Variants in EEFSEC observed in about 807,000 individuals in gnomAD.
EEFSEC encodes the protein selenocysteine-specific elongation factor.
A neutral mutation model predicts 42.1 loss-of-function variants in EEFSEC; 43 were observed. That is an observed-to-expected ratio of 1.02 (90% CI 0.80 to 1.32). The LOEUF (loss-of-function observed/expected upper bound fraction) is 1.32, where lower values mean the gene tolerates loss of function less well. Ranked by LOEUF, EEFSEC falls within the 40% of genes most tolerant of loss-of-function variation. EEFSEC has a pLI of 0.00. For missense variants in EEFSEC, 745 were observed against 803.6 expected, an observed-to-expected ratio of 0.93 and a Z score of 0.88; for synonymous variants, 354 against 339.1, an observed-to-expected ratio of 1.04 and a Z score of -0.48.
chr3:128,302,649 T>C (rs2108006304), intron 4 of EEFSEC, among the ~76,000 whole-genome samples: 1 of 152,174 alleles, frequency 6.6e-6, no homozygotes, highest in East Asian at 1.9e-4. Context: ...ATATATATGG[T>C]TGGGAAATTC....
intron 4 of EEFSEC, among the ~76,000 whole-genome samples, chr3:128,333,612 A>G (rs374935963): frequency 1.3e-4 from 20 of 152,206 alleles, no homozygotes; most frequent in South Asian, 6.2e-4. Context: ...GATTTTCCCC[A>G]TCATAGGTAT....
intron 1 of EEFSEC, among the ~76,000 whole-genome samples, chr3:128,178,488 C>A (rs1157253038): frequency 6.6e-6 from 1 of 152,156 alleles, no homozygotes; most frequent in African/African-American, 2.4e-5. Context: ...TGTGTTTAGA[C>A]TCAAAGTTAG....
At chr3:128,377,126 A>G (rs1051680244) in intron 6 of EEFSEC, among the ~76,000 whole-genome samples, 11 of 152,366 alleles carry the variant, frequency 7.2e-5, no homozygotes, top group Admixed American at 3.9e-4. Context: ...GAAGTCTCCC[A>G]TAGTCCCATT....
intron 5 of EEFSEC, among the ~76,000 whole-genome samples, chr3:128,342,111 G>T (rs2067262348): frequency 6.6e-6 from 1 of 152,202 alleles, no homozygotes; most frequent in Non-Finnish European, 1.5e-5. Flanking sequence ...TGGGCAGGGG[G>T]ACCCCCACTG....
At chr3:128,337,897 A>T (rs2067208047) in intron 4 of EEFSEC, among the ~76,000 whole-genome samples, 1 of 152,236 alleles carries the variant, frequency 6.6e-6, no homozygotes. Flanking sequence ...GCAATCCAGC[A>T]GTTCAACTCC....
Position 128,247,043 on chromosome 3 carries a change from A to G in EEFSEC, c.524A>G (p.Lys175Arg), listed in dbSNP as rs2066136007. The G allele has an allele frequency of 6.2e-7, 1 of 1,613,870 alleles. No individual in the cohort carries two copies. Among genetic ancestry groups the G allele is most frequent in the East Asian group, 2.2e-5 (1 of 44,866 alleles). The change falls in exon 2 of 7, where the codon AAG (lysine) becomes AGG (arginine). Residue 175 changes from lysine (K) to arginine (R), a missense_variant and splice_region_variant. Coordinates refer to ENST00000254730, the MANE Select transcript of EEFSEC (RefSeq NM_021937.5). The stretch of plus-strand genomic sequence containing the variant: ...ATGCAGAAGACCCTAGAGAACACCA[A>G]GTAGGTCTGCTAATGAGAGCAATGT... ...KKMQKTLENT[K>R]FRGAPIIPVA...
intron 1 of EEFSEC, among the ~76,000 whole-genome samples, chr3:128,208,670 GC>G (rs1167540561): frequency 6.6e-6 from 1 of 152,210 alleles, no homozygotes; most frequent in Non-Finnish European, 1.5e-5. Context: ...CTGAGGTGGG[GC>G]CTAGCTGAAG....
At chr3:128,409,798 C>T (rs2068161177), downstream of EEFSEC, among the ~76,000 whole-genome samples, 1 of 152,208 alleles carries the variant, frequency 6.6e-6, no homozygotes, top group South Asian at 2.1e-4. Flanking sequence ...CTCCCTGGGG[C>T]CTGACCCCAC....
chr3:128,226,679 G>T (rs1022580200), intron 1 of EEFSEC, among the ~76,000 whole-genome samples: 2 of 152,184 alleles, frequency 1.3e-5, no homozygotes, highest in African/African-American at 4.8e-5. Context: ...CTGTGTTGAT[G>T]TTGTCTGTAT....
intron 1 of EEFSEC, among the ~76,000 whole-genome samples, chr3:128,208,058 C>T (rs1474203015): frequency 6.6e-6 from 1 of 152,166 alleles, no homozygotes; most frequent in Non-Finnish European, 1.5e-5. Context: ...GGGAAATTTT[C>T]TGTCCCGGGA....
intron 5 of EEFSEC, 97 bp from the exon 6 acceptor site, chr3:128,358,120 C>T: frequency 6.6e-7 from 1 of 1,511,640 alleles, no homozygotes; most frequent in Non-Finnish European, 9.0e-7. Flanking sequence ...GCCAGCCATG[C>T]CTAGGGCCCG....
intron 6 of EEFSEC, among the ~76,000 whole-genome samples, chr3:128,395,014 A>C (rs1487073759): frequency 6.6e-6 from 1 of 152,196 alleles, no homozygotes; most frequent in Non-Finnish European, 1.5e-5. Flanking sequence ...GGACTTCTGC[A>C]TGCAGCGTTG....
chr3:128,318,203 G>T (rs2066969118), intron 4 of EEFSEC, among the ~76,000 whole-genome samples: 1 of 152,238 alleles, frequency 6.6e-6, no homozygotes, highest in African/African-American at 2.4e-5. Context: ...AGGCAAGGGG[G>T]GTTAGAAAGG....
intron 6 of EEFSEC, among the ~76,000 whole-genome samples, chr3:128,361,874 G>A (rs1206432440): frequency 6.6e-6 from 1 of 152,172 alleles, no homozygotes; most frequent in Non-Finnish European, 1.5e-5. Flanking sequence ...GGAAGGAGCT[G>A]GACATGGAGG....
chr3:128,232,027 A>G (rs1427569237), intron 1 of EEFSEC, among the ~76,000 whole-genome samples: 1 of 152,074 alleles, frequency 6.6e-6, no homozygotes, highest in East Asian at 1.9e-4. Context: ...AAATTCTTGT[A>G]TCCATATTTG....
At chr3:128,321,836 C>G (rs2067011194) in intron 4 of EEFSEC, among the ~76,000 whole-genome samples, 1 of 152,206 alleles carries the variant, frequency 6.6e-6, no homozygotes, top group South Asian at 2.1e-4. Context: ...CCTGTCACCA[C>G]AAGTGGTGAG....
At chr3:128,248,202 A>C (rs2066147667) in intron 2 of EEFSEC, among the ~76,000 whole-genome samples, 1 of 152,244 alleles carries the variant, frequency 6.6e-6, no homozygotes, top group South Asian at 2.1e-4. Flanking sequence ...AATAGCGGTC[A>C]CTGGGAGACA....
intron 5 of EEFSEC, among the ~76,000 whole-genome samples, chr3:128,344,342 G>A (rs185738212): frequency 6.6e-6 from 1 of 152,358 alleles, no homozygotes; most frequent in East Asian, 1.9e-4. Context: ...TTTTTCCTAT[G>A]TACATTTTTC....
At chr3:128,314,650 C>T (rs1453737559) in intron 4 of EEFSEC, among the ~76,000 whole-genome samples, 3 of 152,226 alleles carry the variant, frequency 2.0e-5, no homozygotes, top group African/African-American at 7.2e-5. Context: ...AGCCTGTTGA[C>T]ATTTTTCTAC....
Sources: gnomAD v4.1 joint callset for allele counts (sites outside exome capture counted in the v4.1 genomes callset) on GRCh38, gnomAD v4.1.1 for gene constraint, MANE v1.5 for transcripts, NCBI Gene and HGNC (gene_info 2026-07-23, HGNC 2026-07-21) for gene names.